Variants in ENPP1 observed in about 807,000 individuals in gnomAD.
ENPP1 encodes ectonucleotide pyrophosphatase/phosphodiesterase family member 1.
A neutral mutation model predicts 122.8 loss-of-function variants in ENPP1; 73 were observed. That is an observed-to-expected ratio of 0.59 (90% CI 0.49 to 0.72). The LOEUF (loss-of-function observed/expected upper bound fraction) is 0.72. ENPP1 is among the 30% of genes least tolerant of loss of function. ENPP1 has a pLI of 0.00. For missense variants in ENPP1, 978 were observed against 1,128.1 expected, an observed-to-expected ratio of 0.87 and a Z score of 1.91; for synonymous variants, 367 against 391.6, an observed-to-expected ratio of 0.94 and a Z score of 0.74.
At chr6:131,884,885 G>C (rs374658237) in intron 22 of ENPP1, 46 bp from the exon 23 acceptor site, 7 of 1,605,550 alleles carry the variant, frequency 4.4e-6, no homozygotes, top group Non-Finnish European at 6.0e-6. Flanking sequence ...ACGTCAACAT[G>C]GTCCCTTGTT....
intron 4 of ENPP1, 77 bp downstream of exon 4, chr6:131,851,344 T>C (rs1781879160): frequency 6.3e-7 from 1 of 1,589,104 alleles, no homozygotes; most frequent in Admixed American, 1.7e-5. Context: ...GTGTTATCTT[T>C]TATATTAGGA....
intron 1 of ENPP1, among the ~76,000 whole-genome samples, chr6:131,825,158 G>A (rs1781531583): frequency 1.3e-5 from 2 of 152,194 alleles, no homozygotes; most frequent in Middle Eastern, 3.4e-3. Flanking sequence ...TTAGTGACAA[G>A]TTCTGATTTA....
At chr6:131,836,660 G>A (rs1781677881) in intron 1 of ENPP1, among the ~76,000 whole-genome samples, 1 of 152,004 alleles carries the variant, frequency 6.6e-6, no homozygotes, top group Admixed American at 6.5e-5. Context: ...TTGACATGAT[G>A]GCATACGTCC....
intron 1 of ENPP1, among the ~76,000 whole-genome samples, chr6:131,835,282 A>T (rs1781660463): frequency 1.3e-5 from 2 of 152,184 alleles, no homozygotes; most frequent in South Asian, 4.1e-4. Context: ...CTTCTAAAAA[A>T]ATTATTTTGT....
At chr6:131,845,451 G>GTTTTT (rs34638422) in intron 1 of ENPP1, among the ~76,000 whole-genome samples, 1 of 133,094 alleles carries the variant, frequency 7.5e-6, no homozygotes, top group Admixed American at 7.6e-5. Context: ...GTTTTGGCTT[G>GTTTTT]TTTTTTTTTT....
chr6:131,826,598 A>G (rs566413041), intron 1 of ENPP1: 12 of 1,046,064 alleles, frequency 1.1e-5, no homozygotes, highest in African/African-American at 1.1e-4. Flanking sequence ...TATGGAATGC[A>G]TTCCAGGTCA....
chr6:131,837,189 T>C (rs1406231739), intron 1 of ENPP1, among the ~76,000 whole-genome samples: 1 of 150,830 alleles, frequency 6.6e-6, no homozygotes, highest in Non-Finnish European at 1.5e-5. Context: ...TGTGTGTGTG[T>C]GTGTGTGTGT....
intron 1 of ENPP1, among the ~76,000 whole-genome samples, chr6:131,844,241 T>C (rs1781777102): frequency 6.6e-6 from 1 of 152,242 alleles, no homozygotes. Context: ...TGCACAAATT[T>C]CAGTTACCAC....
rs779956828 is a variant in ENPP1, at chr6:131,890,383, T to C, written c.2650T>C (p.Leu884=). Reference sequence around the variant, plus strand: ...CTCATGGGTTGAAGAATTGTTAATGTTACACAGAGCACGGATCACAGATGT... The same window carrying C: ...CTCATGGGTTGAAGAATTGTTAATGCTACACAGAGCACGGATCACAGATGT... ...DSSWVEELLM[L]HRARITDVEH... Residue 884 remains leucine (L), a synonymous_variant, in exon 25 of 25, where the codon TTA becomes CTA. Transcript: ENST00000647893. 6.2e-7 allele frequency: 1 copy of C among 1,613,910 alleles called. No individual in the cohort carries two copies. Among genetic ancestry groups the C allele is most frequent in the Non-Finnish European group, 8.5e-7 (1 of 1,179,762 alleles).
chr6:131,879,296 G>T (rs1246761973), intron 19 of ENPP1, among the ~76,000 whole-genome samples: 1 of 152,084 alleles, frequency 6.6e-6, no homozygotes, highest in African/African-American at 2.4e-5. Flanking sequence ...TATGAGCTTA[G>T]GTACTATATG....
intron 14 of ENPP1, 104 bp from the exon 15 acceptor site, chr6:131,872,819 A>T: frequency 8.6e-7 from 1 of 1,167,274 alleles, no homozygotes; most frequent in Non-Finnish European, 1.2e-6. Flanking sequence ...TTTTATAGAT[A>T]TTAGGGAAAT....
intron 15 of ENPP1, among the ~76,000 whole-genome samples, chr6:131,873,946 A>G (rs9398997): frequency 1.3e-5 from 2 of 152,278 alleles, no homozygotes; most frequent in Admixed American, 6.5e-5. Flanking sequence ...AATAACCGAC[A>G]TGAGAAATTG....
intron 8 of ENPP1, among the ~76,000 whole-genome samples, chr6:131,860,849 G>A (rs558604544): frequency 4.6e-5 from 7 of 152,120 alleles, no homozygotes; most frequent in Non-Finnish European, 1.0e-4. Flanking sequence ...TTATTTGCCT[G>A]TGCTAATTTA....
At position 131,881,562 on chromosome 6, in the gene ENPP1, T is replaced by A. The variant is rs182574625; in HGVS notation, c.2101-783T>A. Reference sequence around the variant, plus strand: ...GTTGACTATGGAAGATAGACTCAGATCTCTAAAAATCAACATTTTACTATA... The same window carrying A: ...GTTGACTATGGAAGATAGACTCAGAACTCTAAAAATCAACATTTTACTATA... On this transcript the variant is annotated intron_variant, in intron 20 of 24. Transcript: ENST00000647893. Among the ~76,000 whole-genome samples the A allele has an allele frequency of 3.9e-5, 6 of 152,200 alleles. No individual in the cohort carries two copies. In the East Asian group the frequency reaches 1.2e-3, roughly 29 times the overall value.
chr6:131,811,538 G>T (rs1464587771), intron 1 of ENPP1, among the ~76,000 whole-genome samples: 2 of 152,014 alleles, frequency 1.3e-5, no homozygotes, highest in Non-Finnish European at 2.9e-5. Flanking sequence ...GTTACAAATG[G>T]GTTTTTAAAG....
At chr6:131,866,850 G>A (rs1388828059) in intron 11 of ENPP1, among the ~76,000 whole-genome samples, 1 of 152,170 alleles carries the variant, frequency 6.6e-6, no homozygotes, top group African/African-American at 2.4e-5. Context: ...TTGAACAATT[G>A]GCTACATGCT....
chr6:131,844,497 G>C (rs1781780957), intron 1 of ENPP1, among the ~76,000 whole-genome samples: 1 of 136,730 alleles, frequency 7.3e-6, no homozygotes, highest in African/African-American at 3.6e-5. Context: ...AAAGCATGTA[G>C]TTGTGTTGTT....
At chr6:131,860,042 G>A (rs1237974769) in intron 7 of ENPP1, among the ~76,000 whole-genome samples, 1 of 151,986 alleles carries the variant, frequency 6.6e-6, no homozygotes, top group Non-Finnish European at 1.5e-5. Context: ...TTGGCAAATG[G>A]TCTCCATCTC....
intron 1 of ENPP1, among the ~76,000 whole-genome samples, chr6:131,829,908 G>A (rs534519438): frequency 1.5e-4 from 23 of 152,262 alleles, no homozygotes; most frequent in African/African-American, 5.5e-4. Context: ...ACCCTCCAAT[G>A]TTCTCTTTCC....
Sources: gnomAD v4.1 joint callset for allele counts (sites outside exome capture counted in the v4.1 genomes callset) on GRCh38, gnomAD v4.1.1 for gene constraint, MANE v1.5 for transcripts, NCBI Gene and HGNC (gene_info 2026-07-23, HGNC 2026-07-21) for gene names.